NKTR: variants seen among roughly 807,000 people sequenced by gnomAD.
NKTR encodes natural killer cell triggering receptor.
A neutral mutation model predicts 156.3 loss-of-function variants in NKTR; 67 were observed. The ratio of observed to expected loss-of-function variants is 0.43; its 90% CI spans 0.35 to 0.53. NKTR has a LOEUF of 0.53. Among genes scored for constraint, NKTR ranks in the 20% least tolerant of loss-of-function variants. NKTR has a pLI of 0.01. For missense variants in NKTR, 1,604 were observed against 1,730.9 expected, an observed-to-expected ratio of 0.93 and a Z score of 1.30; for synonymous variants, 640 against 596.6, an observed-to-expected ratio of 1.07 and a Z score of -1.06.
At chr3:42,633,365 A>T in intron 9 of NKTR, 1 of 1,335,568 alleles carries the variant, frequency 7.5e-7, no homozygotes, top group Non-Finnish European at 9.6e-7. Context: ...AAAATAAAAA[A>T]GTTAGGATCA....
intron 4 of NKTR, chr3:42,619,425 G>T: frequency 7.6e-7 from 1 of 1,320,098 alleles, no homozygotes; most frequent in Non-Finnish European, 9.8e-7. Flanking sequence ...AATGTTTTTG[G>T]TGTTATTACT....
At chr3:42,619,838 C>G (rs1160332328) in intron 5 of NKTR, 130 bp downstream of exon 5, 10 of 1,476,110 alleles carry the variant, frequency 6.8e-6, no homozygotes, top group African/African-American at 1.4e-5. Flanking sequence ...CATGAAAATA[C>G]TTTATTTGCA....
rs779751604 is a variant in NKTR, at chr3:42,631,311, A to C, written c.545A>C (p.Lys182Thr). 6.6e-5 allele frequency: 107 copies of C among 1,613,310 alleles called. 1 individual carries two copies. The Admixed American group carries it at 1.7e-3, about 26-fold the overall frequency. ...GGAGTACTTGCCACAAAATCAATAA[A>C]AGATGGTAAGAACTTTTTTGACAGT... is the stretch of plus-strand genomic sequence containing the variant. ...DCGVLATKSI[K>T]DVFEKKRKKP... Residue 182 changes from lysine to threonine, a missense_variant, in exon 8 of 17, where the codon AAA becomes ACA. Physicochemically the swap from Lys to Thr is moderately conservative, Grantham distance 78 (BLOSUM62 -1). Coordinates refer to ENST00000232978, the MANE Select transcript of NKTR (RefSeq NM_005385.4).
intron 16 of NKTR, among the ~76,000 whole-genome samples, chr3:42,645,545 G>T (rs539435418): frequency 2.6e-5 from 4 of 152,098 alleles, no homozygotes; most frequent in Admixed American, 6.5e-5. Flanking sequence ...TTAGCTGGGC[G>T]TGGTGGCGGG....
intron 2 of NKTR, among the ~76,000 whole-genome samples, chr3:42,610,346 G>T (rs1706666320): frequency 6.6e-6 from 1 of 152,086 alleles, no homozygotes; most frequent in South Asian, 2.1e-4. Flanking sequence ...AAACAGTAGT[G>T]ATGCTAACAA....
At chr3:42,627,847 C>T (rs562206032) in intron 6 of NKTR, 949 of 985,282 alleles carry the variant, frequency 9.6e-4, no homozygotes, top group Admixed American at 1.2e-3. Context: ...CACCATTGCA[C>T]AGCTCTTTAA....
At chr3:42,628,637 A>G (rs954074407) in intron 6 of NKTR, 1 of 985,264 alleles carries the variant, frequency 1.0e-6, no homozygotes, top group African/African-American at 1.7e-5. Context: ...TCTAATCAGG[A>G]AACCATACAT....
At chr3:42,608,752 C>G (rs573187918) in intron 2 of NKTR, among the ~76,000 whole-genome samples, 15 of 152,292 alleles carry the variant, frequency 9.8e-5, no homozygotes, top group African/African-American at 3.4e-4. Flanking sequence ...CTGAAGCTAT[C>G]TGGGGGTCTG....
At chr3:42,628,479 A>G (rs1276027795) in intron 6 of NKTR, 2 of 985,298 alleles carry the variant, frequency 2.0e-6, no homozygotes, top group African/African-American at 3.5e-5. Context: ...AAGGTTTGCC[A>G]TAAAGTGGTT....
Position 42,622,864 on chromosome 3 carries a change from A to G in NKTR, c.374+1348A>G, listed in dbSNP as rs534738030. The stretch of plus-strand genomic sequence containing the variant: ...AAGCTTATCTGAACTGTGAACATGA[A>G]AAACGTAATGATTCATTGGTCAAGA... On this transcript the variant is annotated intron_variant, in intron 6 of 16. Coordinates refer to ENST00000232978, the MANE Select transcript of NKTR (RefSeq NM_005385.4). Among the ~76,000 whole-genome samples the G allele has an allele frequency of 8.5e-5, 13 of 152,180 alleles. No individual in the cohort carries two copies. The South Asian group carries it at 1.9e-3, about 22-fold the overall frequency.
intron 5 of NKTR, chr3:42,621,127 A>G (rs1707862656): frequency 2.0e-6 from 2 of 995,330 alleles, no homozygotes; most frequent in African/African-American, 3.5e-5. Context: ...GTTTTCCCTG[A>G]AAGTTAATAA....
chr3:42,634,881 T>C (rs996800845), intron 11 of NKTR, 181 bp downstream of exon 11: 4 of 509,044 alleles, frequency 7.9e-6, no homozygotes, highest in Non-Finnish European at 1.0e-5. Context: ...TTTGAATGGG[T>C]TTAATTGAGT....
chr3:42,600,950 C>T (rs573986877), intron 1 of NKTR, 34 bp from the exon 2 acceptor site: 259 of 1,438,268 alleles, frequency 1.8e-4, no homozygotes, highest in Non-Finnish European at 2.3e-4. Flanking sequence ...GCCCTCGCCC[C>T]TGCCCTGACC....
chr3:42,627,136 A>G (rs1164057347), intron 6 of NKTR: 1 of 864,174 alleles, frequency 1.2e-6, no homozygotes, highest in Non-Finnish European at 1.4e-6. Flanking sequence ...TAAAACATAG[A>G]TTCAGTCTTG....
At chr3:42,628,534 C>G (rs1708600162) in intron 6 of NKTR, 4 of 985,362 alleles carry the variant, frequency 4.1e-6, no homozygotes, top group Non-Finnish European at 4.8e-6. Context: ...GAATTGGGCT[C>G]TTTATGTTTT....
intron 2 of NKTR, among the ~76,000 whole-genome samples, chr3:42,609,139 A>AAAAG (rs1553656426): frequency 2.0e-4 from 31 of 151,528 alleles, no homozygotes; most frequent in South Asian, 6.2e-4. Context: ...AAAAAAAAAA[A>AAAAG]AAGAAGAAAG....
chr3:42,615,043 T>C (rs1355540063), intron 2 of NKTR, among the ~76,000 whole-genome samples: 3 of 151,810 alleles, frequency 2.0e-5, no homozygotes, highest in Non-Finnish European at 4.4e-5. Flanking sequence ...TGCTCCAGGC[T>C]AGAAGAGGGT....
intron 3 of NKTR, 48 bp from the exon 4 acceptor site, chr3:42,618,972 A>T: frequency 1.4e-6 from 2 of 1,454,028 alleles, no homozygotes; most frequent in Non-Finnish European, 1.9e-6. Context: ...CCATGGAAGG[A>T]TGTATAAATA....
chr3:42,615,223 C>T (rs548099658), intron 2 of NKTR, among the ~76,000 whole-genome samples: 25 of 151,932 alleles, frequency 1.6e-4, no homozygotes, highest in African/African-American at 5.5e-4. Context: ...GGATTACAGG[C>T]GCCTGCCACC....
Sources: allele counts gnomAD v4.1 joint callset (sites outside exome capture counted in the v4.1 genomes callset), GRCh38; gene constraint gnomAD v4.1.1; transcripts MANE v1.5; gene names NCBI Gene and HGNC (gene_info 2026-07-23, HGNC 2026-07-21).